Variants in MED9 observed in about 807,000 individuals in gnomAD.
MED9 encodes the protein mediator complex subunit 9.
In MED9, 8 loss-of-function variants were observed where a neutral mutation model predicts 13.2. The observed-to-expected ratio is 0.61, with a 90% CI of 0.36 to 1.10. MED9 has a LOEUF of 1.10. Among genes scored for constraint, MED9 ranks in the 50% least tolerant of loss-of-function variants. The pLI, the probability that MED9 is intolerant of heterozygous loss-of-function variation, is 0.02. For missense variants in MED9, 180 were observed against 193.4 expected (o/e 0.93, Z 0.41); for synonymous variants, 87 against 82.8 (o/e 1.05, Z -0.28).
chr17:17,484,229 T>C (rs901356254), intron 1 of MED9, among the ~76,000 whole-genome samples: 6 of 152,228 alleles, frequency 3.9e-5, no homozygotes, highest in Non-Finnish European at 8.8e-5. Context: ...GTAAGAGTAA[T>C]CTGTCGACAT....
In MED9 at chr17:17,483,510, C is replaced by T. The variant is rs1464556487; in HGVS notation, c.224+6245C>T. Among the ~76,000 whole-genome samples, 1 of 152,212 alleles carries T rather than the reference C, an allele frequency of 6.6e-6. No homozygotes were observed. The highest frequency in any genetic ancestry group is 1.5e-5 in the Non-Finnish European group (1 of 68,044). On this transcript the variant is annotated intron_variant, in intron 1 of 1. Coordinates refer to ENST00000268711, the MANE Select transcript of MED9 (RefSeq NM_018019.3). This position sits in a 1 kb window ranked among gnomAD's most constrained non-coding sequence, Gnocchi z 4.2. ...GAGCCTCTCCTGTACCCCCAGGGAC[C>T]CACCTGGTTCTGGGAGTGCTCTGGC...
chr17:17,477,604 A>G, intron 1 of MED9: 1 of 254,040 alleles, frequency 3.9e-6, no homozygotes, highest in Non-Finnish European at 7.5e-6. Flanking sequence ...TGTTGGTAAT[A>G]CTCACTTTAG....
In MED9 at chr17:17,491,702, C is replaced by T. The variant is rs1905233884; in HGVS notation, c.*207C>T. On this transcript the variant is annotated 3_prime_UTR_variant, in exon 2 of 2. Transcript: ENST00000268711. ...TGCGCCGGGGGTTCCTCGTGTAGATCCATATGTCTAGATGCATAATAACTG... is the reference window on the plus strand; with the variant it reads ...TGCGCCGGGGGTTCCTCGTGTAGATTCATATGTCTAGATGCATAATAACTG... 1 of 581,846 alleles carries T rather than the reference C, an allele frequency of 1.7e-6. No individual in the cohort carries two copies. Among genetic ancestry groups the T allele is most frequent in the Non-Finnish European group, 3.1e-6 (1 of 327,234 alleles). The allele number at this position is 581,846 out of a possible 1,614,324, so 36.0% of individuals were successfully genotyped here. A position where few individuals can be genotyped will look rare whatever the true frequency, so the allele number is the denominator to read the frequency against.
At chr17:17,481,313 G>A (rs762714594) in intron 1 of MED9, among the ~76,000 whole-genome samples, 3 of 152,316 alleles carry the variant, frequency 2.0e-5, no homozygotes, top group Non-Finnish European at 4.4e-5. Flanking sequence ...TTCTTGCACA[G>A]GGGTGAGTAA....
intron 1 of MED9, chr17:17,488,350 A>G (rs1597852095): frequency 2.0e-5 from 3 of 152,370 alleles, no homozygotes; most frequent in South Asian, 4.1e-4. Flanking sequence ...GCCAGTTTGC[A>G]TCTGTACTAA....
intron 1 of MED9, among the ~76,000 whole-genome samples, chr17:17,482,230 G>A (rs1433425686): frequency 6.6e-6 from 1 of 152,124 alleles, no homozygotes; most frequent in Non-Finnish European, 1.5e-5. Context: ...GTCTCTGTGG[G>A]GGTAAATTTC....
In MED9 at chr17:17,477,148, C is replaced by G; in HGVS notation, c.107C>G (p.Pro36Arg). 6.2e-7 allele frequency: 1 copy of G among 1,608,762 alleles called. No individual in the cohort carries two copies. ...DTKPLPPPQPPPVPAPQPQQS... is the reference protein window; with the variant it reads ...DTKPLPPPQPRPVPAPQPQQS... ...AAGCCGCTGCCGCCTCCTCAGCCGC[C>G]GCCGGTCCCTGCGCCTCAACCGCAG... The change falls in exon 1 of 2, where the codon CCG (proline) becomes CGG (arginine). Residue 36 changes from proline (P) to arginine (R), a missense_variant. Coordinates refer to ENST00000268711, the MANE Select transcript of MED9 (RefSeq NM_018019.3).
At chr17:17,489,209 C>T (rs1250217877) in intron 1 of MED9, among the ~76,000 whole-genome samples, 1 of 152,256 alleles carries the variant, frequency 6.6e-6, no homozygotes, top group Non-Finnish European at 1.5e-5. Flanking sequence ...TTTGGCTCAG[C>T]TGCCCTCCAG....
At chr17:17,478,291 A>G (rs1904963745) in intron 1 of MED9, among the ~76,000 whole-genome samples, 1 of 152,364 alleles carries the variant, frequency 6.6e-6, no homozygotes, top group South Asian at 2.1e-4. Flanking sequence ...CTCTTACTCA[A>G]CCATTAAAGA....
In MED9 at chr17:17,485,577, G is replaced by T. The variant is rs78001279; in HGVS notation, c.225-5702G>T. 6.8e-3 allele frequency: 2,502 copies of T among 369,754 alleles called. 20 individuals are homozygous for T. The highest frequency in any genetic ancestry group is 8.8e-3 in the Non-Finnish European group (1,838 of 208,536). The allele number at this position is 369,754 out of a possible 1,614,324, so 22.9% of individuals were successfully genotyped here. ...GGGGCACACAGGTGCAAGCCTGGGGGTCCTAGCGTGGCCAGTAGAGTGTGT... is the reference window on the plus strand; with the variant it reads ...GGGGCACACAGGTGCAAGCCTGGGGTTCCTAGCGTGGCCAGTAGAGTGTGT... On this transcript the variant is annotated intron_variant, in intron 1 of 1. Transcript: ENST00000268711.
Position 17,491,332 on chromosome 17 carries a change from A to C in MED9, c.278A>C (p.Lys93Thr), listed in dbSNP as rs1209393066. ...CAGGACCTGAACGCCCTCAAAAGCA[A>C]GTTCCAGGAGATGCGCAAGCTCATC... is the stretch of plus-strand genomic sequence containing the variant. ...VHQDLNALKS[K>T]FQEMRKLIST... Residue 93 changes from lysine (K) to threonine (T), a missense_variant, in exon 2 of 2, where the codon AAG (lysine) becomes ACG (threonine). By Grantham distance (78) the Lys-to-Thr change is moderately conservative. Coordinates refer to ENST00000268711, the MANE Select transcript of MED9 (RefSeq NM_018019.3). The C allele has an allele frequency of 6.2e-7, 1 of 1,614,044 alleles. No individual in the cohort carries two copies. Among genetic ancestry groups the C allele is most frequent in the East Asian group, 2.2e-5 (1 of 44,886 alleles).
At chr17:17,484,543 C>T (rs1905090761) in intron 1 of MED9, among the ~76,000 whole-genome samples, 1 of 152,266 alleles carries the variant, frequency 6.6e-6, no homozygotes, top group Non-Finnish European at 1.5e-5. Flanking sequence ...GTGCAGGAAG[C>T]GGCCCCCGCT....
intron 1 of MED9, chr17:17,488,037 G>T (rs1211138490): frequency 1.3e-5 from 2 of 152,210 alleles, no homozygotes; most frequent in African/African-American, 4.8e-5. Context: ...AGCCTTGGTT[G>T]TCTCATTTTT....
rs1017904876 is a variant in MED9 at position 17,492,206 on chromosome 17, G to C, written c.*711G>C. 2 of 153,406 alleles carry C rather than the reference G, an allele frequency of 1.3e-5. No individual in the cohort carries two copies. The highest frequency in any genetic ancestry group is 4.8e-5 in the African/African-American group (2 of 41,416). The allele number at this position is 153,406 out of a possible 1,614,324, so 9.5% of individuals were successfully genotyped here. Reference sequence around the variant, plus strand: ...GCCTTCAGCTCTTGCTCCCTTCCTCGTTCATCACCCTCAGTCAGTGCCCAA... The same window carrying C: ...GCCTTCAGCTCTTGCTCCCTTCCTCCTTCATCACCCTCAGTCAGTGCCCAA... On this transcript the variant is annotated 3_prime_UTR_variant, in exon 2 of 2. Transcript: ENST00000268711.
At chr17:17,481,126 G>A (rs1395895248) in intron 1 of MED9, among the ~76,000 whole-genome samples, 1 of 152,190 alleles carries the variant, frequency 6.6e-6, no homozygotes. Context: ...GAGTGCAGGT[G>A]TCTTCTGAGG....
At chr17:17,481,366 CAT>C (rs1443764824) in intron 1 of MED9, among the ~76,000 whole-genome samples, 2 of 152,194 alleles carry the variant, frequency 1.3e-5, no homozygotes, top group African/African-American at 4.8e-5. Flanking sequence ...TTCTTGTTCT[CAT>C]AAAGAATTCA....
rs900330155 is a variant in MED9, at chr17:17,488,757, C to T, written c.225-2522C>T. 6.6e-5 allele frequency among the ~76,000 whole-genome samples: 10 copies of T among 151,672 alleles called. No individual in the cohort carries two copies. The South Asian group carries it at 8.5e-4, about 13-fold the overall frequency. ...CCGAGGCAGGAGAATCACTTGAACC[C>T]GGGAGGCGGAGGTTGCAGTGAGCCA... On this transcript the variant is annotated intron_variant, in intron 1 of 1. Transcript: ENST00000268711.
chr17:17,487,181 T>G (rs1007950786), intron 1 of MED9: 1 of 152,196 alleles, frequency 6.6e-6, no homozygotes, highest in Non-Finnish European at 1.5e-5. Flanking sequence ...TGTATCTAGC[T>G]CAGGGATTGT....
chr17:17,487,448 C>A (rs771800942), intron 1 of MED9: 26 of 165,436 alleles, frequency 1.6e-4, no homozygotes, highest in Non-Finnish European at 2.9e-4. Flanking sequence ...CACTCCTGAG[C>A]CCAGCGAGAC....
Sources: allele counts gnomAD v4.1 joint callset (sites outside exome capture counted in the v4.1 genomes callset), GRCh38; gene constraint gnomAD v4.1.1; non-coding constraint Gnocchi (gnomAD v3.1); transcripts MANE v1.5; gene names NCBI Gene and HGNC (gene_info 2026-07-23, HGNC 2026-07-21).